The following FRMPD2 variants were observed in gnomAD, a reference collection of about 807,000 sequenced individuals.
FRMPD2 encodes the protein FERM and PDZ domain containing 2, also known as FERM and PDZ domain-containing protein 2.
In FRMPD2, 96 loss-of-function variants were observed where a neutral mutation model predicts 140.1. The observed-to-expected ratio is 0.69, with a 90% CI of 0.58 to 0.81. The LOEUF is 0.81. Ranked by LOEUF, FRMPD2 falls within the 40% of genes least tolerant of loss-of-function variation. The pLI is 0.00. For missense variants in FRMPD2, 1,240 were observed against 1,447.4 expected (o/e 0.86, Z 2.32); for synonymous variants, 449 against 547.6 (o/e 0.82, Z 2.52).
rs773669905 is a variant in FRMPD2, at chr10:48,239,689, G to A, written c.704C>T (p.Ser235Leu). 18 of 1,613,114 alleles carry A rather than the reference G, an allele frequency of 1.1e-5. No homozygotes were observed. The highest frequency in any genetic ancestry group is 8.3e-5 in the Admixed American group (5 of 59,994). Residue 235 changes from serine to leucine, a missense_variant, in exon 7 of 29, where the codon TCA (serine) becomes TTA (leucine). Transcript: ENST00000374201. ...GCTCTGGGTCTCCGTGCTTCTTTCT[G>A]AAACTAATCAAGCAGCATGGTAGAG... ...APECLHPCRV[S>L]ERSTETQSSP... is the part of the protein sequence containing the mutation.
At chr10:48,270,658 T>C (rs1347754233) in intron 1 of FRMPD2, among the ~76,000 whole-genome samples, 1 of 152,034 alleles carries the variant, frequency 6.6e-6, no homozygotes, top group Non-Finnish European at 1.5e-5. Flanking sequence ...GGATGTCCTT[T>C]AGACAACCCC....
intron 1 of FRMPD2, among the ~76,000 whole-genome samples, chr10:48,258,520 T>G (rs1230888307): frequency 6.6e-6 from 1 of 152,210 alleles, no homozygotes. Flanking sequence ...AGATGCTGAC[T>G]CCTACCTTAC....
At chr10:48,219,520 C>G (rs2131897681) in intron 12 of FRMPD2, among the ~76,000 whole-genome samples, 1 of 152,292 alleles carries the variant, frequency 6.6e-6, no homozygotes, top group Non-Finnish European at 1.5e-5. Flanking sequence ...TGCTCGGTCT[C>G]TGTTGAGGTC....
intron 1 of FRMPD2, among the ~76,000 whole-genome samples, chr10:48,271,719 G>A (rs571777627): frequency 1.3e-5 from 2 of 152,364 alleles, no homozygotes; most frequent in South Asian, 4.1e-4. Context: ...AGCCTCGAAA[G>A]CAGACTTCTG....
intron 21 of FRMPD2, among the ~76,000 whole-genome samples, chr10:48,180,403 A>C (rs1468204920): frequency 6.6e-6 from 1 of 152,188 alleles, no homozygotes; most frequent in African/African-American, 2.4e-5. Context: ...GGTCAAGAGC[A>C]AAGCCACTGA....
Position 48,183,062 on chromosome 10 carries a change from A to T in FRMPD2, c.2584+1504T>A, listed in dbSNP as rs1014096756. ...CCAGCATGGCCACCTTCCACCACCC[A>T]TAGCTTCTGGACAGGGGAGCTGCAT... On this transcript the variant is annotated intron_variant, in intron 20 of 28. Coordinates refer to ENST00000374201, the MANE Select transcript of FRMPD2 (RefSeq NM_001018071.4). Among the ~76,000 whole-genome samples, 4 of 152,192 alleles carry T rather than the reference A, an allele frequency of 2.6e-5. No homozygotes were observed. In the East Asian group the frequency reaches 7.7e-4, roughly 29 times the overall value.
chr10:48,216,767 G>A (rs911391240), intron 12 of FRMPD2, among the ~76,000 whole-genome samples: 1 of 152,200 alleles, frequency 6.6e-6, no homozygotes, highest in Non-Finnish European at 1.5e-5. Flanking sequence ...AAGGCTCAGA[G>A]AGAAAACATG....
chr10:48,236,629 A>C, intron 8 of FRMPD2, 76 bp from the exon 9 acceptor site: 2 of 1,318,216 alleles, frequency 1.5e-6, no homozygotes, highest in Non-Finnish European at 2.2e-6. Flanking sequence ...CCCATGATGC[A>C]CCTCTGCAGC....
intron 16 of FRMPD2, 99 bp from the exon 17 acceptor site, chr10:48,187,391 G>C: frequency 2.2e-6 from 2 of 926,828 alleles, no homozygotes; most frequent in Non-Finnish European, 1.7e-6. Flanking sequence ...TGGCATTTCT[G>C]AGTATGGATG....
chr10:48,157,992 G>C (rs1837829931), intron 28 of FRMPD2, among the ~76,000 whole-genome samples: 1 of 129,452 alleles, frequency 7.7e-6, no homozygotes, highest in African/African-American at 3.1e-5. Flanking sequence ...GATGGCAGCT[G>C]TGTGTGTCCA....
intron 9 of FRMPD2, among the ~76,000 whole-genome samples, chr10:48,233,172 G>A (rs1403154199): frequency 1.3e-5 from 2 of 152,142 alleles, no homozygotes; most frequent in Non-Finnish European, 2.9e-5. Flanking sequence ...TAGTGCCATC[G>A]AGACCATGCC....
chr10:48,266,183 A>G (rs975711170), intron 1 of FRMPD2, among the ~76,000 whole-genome samples: 1 of 152,162 alleles, frequency 6.6e-6, no homozygotes, highest in African/African-American at 2.4e-5. Flanking sequence ...TATGGACACA[A>G]AGTGGGAAAC....
intron 21 of FRMPD2, 110 bp from the exon 22 acceptor site, chr10:48,178,261 C>T (rs2652406): frequency 3.8e-6 from 3 of 782,388 alleles, no homozygotes; most frequent in Non-Finnish European, 6.5e-6. Flanking sequence ...AGATCATGAG[C>T]TTTGGATTGG....
Position 48,242,537 on chromosome 10 carries a change from G to A in FRMPD2, c.376-185C>T, listed in dbSNP as rs1344286348. Among the ~76,000 whole-genome samples the A allele has an allele frequency of 3.3e-5, 5 of 152,366 alleles. No individual in the cohort carries two copies. The East Asian group carries it at 7.7e-4, about 23-fold the overall frequency. On this transcript the variant is annotated intron_variant, in intron 4 of 28. Coordinates refer to ENST00000374201, the MANE Select transcript of FRMPD2 (RefSeq NM_001018071.4). ...ATCCATCACTGAGGCCGCAAAGTGC[G>A]GAGCAATCATCTCTGCAGCAATTCT... is the stretch of plus-strand genomic sequence containing the variant.
intron 9 of FRMPD2, among the ~76,000 whole-genome samples, chr10:48,235,257 CTTCATATTTTT>C (rs1839941160): frequency 6.6e-6 from 1 of 152,210 alleles, no homozygotes; most frequent in African/African-American, 2.4e-5. Flanking sequence ...TATCATCCCA[CTTCATATTTTT>C]TGTGCCCATG....
chr10:48,192,261 A>T (rs1038165366), intron 16 of FRMPD2, among the ~76,000 whole-genome samples: 4 of 152,088 alleles, frequency 2.6e-5, no homozygotes, highest in Non-Finnish European at 4.4e-5. Flanking sequence ...ATAAATATAC[A>T]CTTTTCCTAG....
At chr10:48,252,448 T>A (rs1258751233) in intron 1 of FRMPD2, among the ~76,000 whole-genome samples, 1 of 152,192 alleles carries the variant, frequency 6.6e-6, no homozygotes, top group South Asian at 2.1e-4. Flanking sequence ...TCCATTTACA[T>A]CCTCACTGAT....
chr10:48,245,277 C>T (rs1375685423), intron 3 of FRMPD2, among the ~76,000 whole-genome samples: 1 of 152,212 alleles, frequency 6.6e-6, no homozygotes, highest in Non-Finnish European at 1.5e-5. Context: ...AATGGAAATA[C>T]ACAGCCTGGA....
chr10:48,186,081 C>T (rs1838678053), intron 17 of FRMPD2, among the ~76,000 whole-genome samples: 1 of 152,206 alleles, frequency 6.6e-6, no homozygotes, highest in South Asian at 2.1e-4. Context: ...CCTCAAATAA[C>T]CAGGGGTGAC....
Sources: allele counts gnomAD v4.1 joint callset (sites outside exome capture counted in the v4.1 genomes callset), GRCh38; gene constraint gnomAD v4.1.1; transcripts MANE v1.5; gene names NCBI Gene and HGNC (gene_info 2026-07-23, HGNC 2026-07-21).